The following TENM3 variants were observed in gnomAD, a reference collection of about 807,000 sequenced individuals.
The protein encoded by TENM3 is teneurin transmembrane protein 3, also known as teneurin-3.
In TENM3, 63 loss-of-function variants were observed where a neutral mutation model predicts 255.1. The ratio of observed to expected loss-of-function variants is 0.25; its 90% CI spans 0.20 to 0.30. TENM3 has a LOEUF of 0.30. Ranked by LOEUF, TENM3 falls within the 10% of genes least tolerant of loss-of-function variation. The pLI is 1.00. For missense variants in TENM3, 2,929 were observed against 3,461.1 expected, an observed-to-expected ratio of 0.85 and a Z score of 3.86; for synonymous variants, 1,306 against 1,322.3, an observed-to-expected ratio of 0.99 and a Z score of 0.27.
chr4:182,643,070 A>G (rs563110432), intron 5 of TENM3, among the ~76,000 whole-genome samples: 5 of 152,334 alleles, frequency 3.3e-5, no homozygotes, highest in African/African-American at 1.2e-4. Flanking sequence ...GTAGGGGTCC[A>G]AGTTACAAAC....
intron 22 of TENM3, among the ~76,000 whole-genome samples, chr4:182,770,762 T>C (rs1764137361): frequency 6.6e-6 from 1 of 152,216 alleles, no homozygotes; most frequent in Admixed American, 6.5e-5. Flanking sequence ...CAGACTTCTC[T>C]GTTTTCACAA....
chr4:181,888,494 G>GTATGTATATATATA, the TENM3 span, among the ~76,000 whole-genome samples: 2 of 28,228 alleles, frequency 7.1e-5, no homozygotes, highest in African/African-American at 3.4e-4. Flanking sequence ...ATAGAAATGT[G>GTATGTATATATATA]TATATATATA....
chr4:181,977,500 C>G, the TENM3 span, among the ~76,000 whole-genome samples: 1 of 152,144 alleles, frequency 6.6e-6, no homozygotes, highest in South Asian at 2.1e-4. Context: ...GGGAATGGAT[C>G]ATTTGGAAAA....
At chr4:182,039,660 C>T in the TENM3 span, among the ~76,000 whole-genome samples, 29 of 151,700 alleles carry the variant, frequency 1.9e-4, no homozygotes, top group Non-Finnish European at 3.1e-4. Flanking sequence ...CACACATGCA[C>T]GAGATAGCCT....
chr4:182,547,634 C>G (rs150260027), intron 3 of TENM3, among the ~76,000 whole-genome samples: 52 of 152,228 alleles, frequency 3.4e-4, no homozygotes, highest in African/African-American at 1.1e-3. Flanking sequence ...GCTAAGCACA[C>G]TACCAGTTCT....
the TENM3 span, among the ~76,000 whole-genome samples, chr4:181,970,195 AGTC>A: frequency 7.2e-5 from 11 of 152,234 alleles, no homozygotes; most frequent in African/African-American, 1.9e-4. Context: ...AATTACCAGT[AGTC>A]ATTTAAATAA....
chr4:182,657,369 A>G (rs1317955692), intron 6 of TENM3, among the ~76,000 whole-genome samples: 1 of 152,170 alleles, frequency 6.6e-6, no homozygotes, highest in Admixed American at 6.5e-5. Context: ...ATTAAAAAAA[A>G]TAGAAACTTG....
intron 22 of TENM3, among the ~76,000 whole-genome samples, chr4:182,762,954 G>GTT (rs1021989216): frequency 1.3e-5 from 2 of 151,658 alleles, no homozygotes; most frequent in African/African-American, 4.8e-5. Flanking sequence ...TAGACTTCAA[G>GTT]TTCATCCCAA....
At chr4:182,131,157 G>C in the TENM3 span, among the ~76,000 whole-genome samples, 1 of 152,144 alleles carries the variant, frequency 6.6e-6, no homozygotes, top group African/African-American at 2.4e-5. Context: ...ATGTAGTGGG[G>C]GAGGTTGGGG....
chr4:182,264,537 G>GA (rs376299389), intron 1 of TENM3, among the ~76,000 whole-genome samples: 33 of 152,286 alleles, frequency 2.2e-4, no homozygotes, highest in South Asian at 1.5e-3. Flanking sequence ...CTCCTTCTGG[G>GA]AAAAAAGACA....
At chr4:182,262,938 C>T (rs1561257249) in intron 1 of TENM3, among the ~76,000 whole-genome samples, 2 of 152,064 alleles carry the variant, frequency 1.3e-5, no homozygotes, top group African/African-American at 2.4e-5. Flanking sequence ...TGGTCTCGAT[C>T]TCCTGACCTC....
the TENM3 span, among the ~76,000 whole-genome samples, chr4:181,824,505 A>T: frequency 6.6e-6 from 1 of 152,192 alleles, no homozygotes; most frequent in Non-Finnish European, 1.5e-5. Flanking sequence ...ACTATGTAGA[A>T]TAACAATTTC....
intron 12 of TENM3, among the ~76,000 whole-genome samples, chr4:182,705,454 C>T (rs936219453): frequency 6.6e-6 from 1 of 152,158 alleles, no homozygotes; most frequent in African/African-American, 2.4e-5. Context: ...AAATATTATA[C>T]GGTACTATTT....
intron 1 of TENM3, among the ~76,000 whole-genome samples, chr4:182,192,441 T>C (rs1304172321): frequency 2.6e-5 from 4 of 152,220 alleles, no homozygotes; most frequent in Non-Finnish European, 4.4e-5. Context: ...TGGTTTTTGA[T>C]GTATTCGCTG....
chr4:182,561,977 T>TAGAC (rs879600680), intron 3 of TENM3, among the ~76,000 whole-genome samples: 40 of 138,514 alleles, frequency 2.9e-4, no homozygotes, highest in African/African-American at 7.5e-4. Context: ...TCCAGATAGA[T>TAGAC]AGATAGACAG....
chr4:182,400,978 G>A (rs550902942), intron 3 of TENM3, among the ~76,000 whole-genome samples: 5 of 152,290 alleles, frequency 3.3e-5, no homozygotes, highest in South Asian at 2.1e-4. Context: ...GAGCAACCCC[G>A]TGCTGCTGGT....
chr4:182,754,445 C>T lies in TENM3; in HGVS notation c.4078C>T (p.Leu1360=). 2 of 1,611,260 alleles carry T rather than the reference C, an allele frequency of 1.2e-6. No homozygotes were observed. Among genetic ancestry groups the T allele is most frequent in the South Asian group, 2.2e-5 (2 of 90,366 alleles). The part of the protein sequence containing the change: ...INPMDNSIYV[L]DNNVVLQITE... ...CCCTATGGATAACTCCATTTATGTC[C>T]TGGATAATAATGTAGTTTTACAGAT... Residue 1360 remains leucine, a synonymous_variant, in exon 22 of 28, where the codon CTG becomes TTG. Coordinates refer to ENST00000511685, the MANE Select transcript of TENM3 (RefSeq NM_001080477.4). The surrounding 1 kb of genome is among the most constrained non-coding windows in gnomAD (Gnocchi z 5.1).
At chr4:182,263,572 G>C (rs1011784552) in intron 1 of TENM3, among the ~76,000 whole-genome samples, 5 of 144,930 alleles carry the variant, frequency 3.4e-5, no homozygotes, top group African/African-American at 1.4e-4. Context: ...GCATGTACAG[G>C]ATTGAGGGAC....
chr4:182,638,427 T>A (rs1752028958), intron 5 of TENM3, among the ~76,000 whole-genome samples: 2 of 151,982 alleles, frequency 1.3e-5, no homozygotes, highest in Non-Finnish European at 2.9e-5. Flanking sequence ...ACTAAGGAGG[T>A]CAGCACGTCT....
Sources: allele counts gnomAD v4.1 joint callset (sites outside exome capture counted in the v4.1 genomes callset), GRCh38; gene constraint gnomAD v4.1.1; non-coding constraint Gnocchi (gnomAD v3.1); transcripts MANE v1.5; gene names NCBI Gene and HGNC (gene_info 2026-07-23, HGNC 2026-07-21).